CA5A: variants seen among roughly 807,000 people sequenced by gnomAD.
CA5A encodes the protein carbonic anhydrase 5A, mitochondrial.
In CA5A, 28 loss-of-function variants were observed where a neutral mutation model predicts 37.1. That is an observed-to-expected ratio of 0.75 (90% CI 0.56 to 1.03). The LOEUF (loss-of-function observed/expected upper bound fraction) is 1.03, where lower values mean the gene tolerates loss of function less well. CA5A is among the 50% of genes least tolerant of loss of function. The pLI is 0.00. For synonymous variants in CA5A, 171 were observed against 158.4 expected, an observed-to-expected ratio of 1.08 and a Z score of -0.60; for missense variants, 444 against 399.9, an observed-to-expected ratio of 1.11 and a Z score of -0.94.
chr16:87,934,437 G>A (rs1241794830), intron 1 of CA5A, among the ~76,000 whole-genome samples: 4 of 152,196 alleles, frequency 2.6e-5, no homozygotes, highest in Non-Finnish European at 4.4e-5. Context: ...ATGTGGTGGC[G>A]CATGCCTGTA....
chr16:87,907,362 C>T lies in CA5A; in HGVS notation c.341-2458G>A, dbSNP rs1270225412. On this transcript the variant is annotated intron_variant, in intron 2 of 6. Transcript: ENST00000649794. ...TCTGTGGGGGAAAGGGGGTTTGCAGCCGACCAGCCCCAGCAGCATCAAAGT... is the reference window on the plus strand; with the variant it reads ...TCTGTGGGGGAAAGGGGGTTTGCAGTCGACCAGCCCCAGCAGCATCAAAGT... 3.9e-5 allele frequency among the ~76,000 whole-genome samples: 6 copies of T among 152,188 alleles called. No homozygotes were observed. In the South Asian group the frequency reaches 1.2e-3, roughly 32 times the overall value.
chr16:87,934,991 G>A (rs1056606569), intron 1 of CA5A, among the ~76,000 whole-genome samples: 1 of 152,170 alleles, frequency 6.6e-6, no homozygotes, highest in African/African-American at 2.4e-5. Context: ...TCTGGGGTGG[G>A]CCAGGCTTTC....
At chr16:87,926,709 G>T in intron 2 of CA5A, 39 bp downstream of exon 2, 1 of 1,527,364 alleles carries the variant, frequency 6.5e-7, no homozygotes, top group Non-Finnish European at 9.0e-7. Flanking sequence ...CCAGAACAAC[G>T]GGAGAGGACA....
Position 87,891,812 on chromosome 16 carries a change from A to T in CA5A, c.761T>A (p.Val254Glu), listed in dbSNP as rs780569809. 6.5e-7 allele frequency: 1 copy of T among 1,533,320 alleles called. No homozygotes were observed. Among genetic ancestry groups the T allele is most frequent in the Admixed American group, 2.2e-5 (1 of 44,878 alleles). The allele number at this position is 1,533,320 out of a possible 1,614,324, so 95.0% of individuals were successfully genotyped here. The change falls in exon 6 of 7, where the codon GTG (valine) becomes GAG (glutamate). Residue 254 changes from valine (V) to glutamate (E), a missense_variant. Physicochemically the swap from Val to Glu is moderately radical, Grantham distance 121 (BLOSUM62 -2). Coordinates refer to ENST00000649794, the MANE Select transcript of CA5A (RefSeq NM_001739.2). Reference protein sequence around the residue: ...TWIIQKEPVEVAPSQLSAFRT... With the variant: ...TWIIQKEPVEEAPSQLSAFRT... ...GGCACGGCTCACCTGGCTTGGGGCC[A>T]CTTCAACGGGCTCCTTCTGGATGAT... is the stretch of plus-strand genomic sequence containing the variant.
At chr16:87,928,630 G>A (rs969485384) in intron 1 of CA5A, among the ~76,000 whole-genome samples, 2 of 151,736 alleles carry the variant, frequency 1.3e-5, no homozygotes, top group African/African-American at 4.8e-5. Flanking sequence ...GTACAGTTAC[G>A]ACACAATTTT....
intron 6 of CA5A, among the ~76,000 whole-genome samples, chr16:87,889,766 C>T (rs1240431113): frequency 1.3e-5 from 2 of 151,278 alleles, no homozygotes; most frequent in Non-Finnish European, 2.9e-5. Flanking sequence ...AGGGAAACTC[C>T]ATCTCAAAAA....
At chr16:87,892,555 T>TAATAAA (rs910885887) in intron 5 of CA5A, among the ~76,000 whole-genome samples, 3 of 129,816 alleles carry the variant, frequency 2.3e-5, no homozygotes, top group South Asian at 2.6e-4. Context: ...ATAATAATAA[T>TAATAAA]AAATTAATTA....
intron 5 of CA5A, among the ~76,000 whole-genome samples, chr16:87,900,739 C>A (rs957971948): frequency 6.6e-6 from 1 of 152,218 alleles, no homozygotes; most frequent in African/African-American, 2.4e-5. Context: ...GGTTTCTCTC[C>A]GCCCTTGGGC....
intron 2 of CA5A, among the ~76,000 whole-genome samples, chr16:87,909,479 C>T (rs1301471280): frequency 2.6e-4 from 40 of 152,184 alleles, no homozygotes; most frequent in Admixed American, 2.6e-3. Flanking sequence ...TGGGCCGCTG[C>T]GTTTTCGGGA....
chr16:87,931,631 C>T (rs953384527), intron 1 of CA5A, among the ~76,000 whole-genome samples: 3 of 152,218 alleles, frequency 2.0e-5, no homozygotes, highest in Non-Finnish European at 2.9e-5. Context: ...TGGGGAAGGC[C>T]TGGAGTGCCT....
Position 87,888,158 on chromosome 16 carries a change from G to A in CA5A, c.889C>T (p.Gln297Ter). The part of the protein sequence containing the change: ...LMNRKVWASF[Q>*]ATNEGTRS ...GACCTTGTGCCCTCATTAGTGGCCT[G>A]GAAGGACGCCCAGACCTTCCGGTTC... The change falls in exon 7 of 7, where the codon CAG (glutamine) becomes TAG (stop). Residue 297 changes from glutamine to a stop codon, truncating the protein, a stop_gained. Coordinates refer to ENST00000649794, the MANE Select transcript of CA5A (RefSeq NM_001739.2). LOFTEE classifies it low-confidence loss of function (END_TRUNC). 5 of 1,613,824 alleles carry A rather than the reference G, an allele frequency of 3.1e-6. No individual in the cohort carries two copies. Among genetic ancestry groups the A allele is most frequent in the Non-Finnish European group, 4.2e-6 (5 of 1,179,766 alleles).
intron 2 of CA5A, among the ~76,000 whole-genome samples, chr16:87,906,065 T>A (rs1380639912): frequency 1.3e-5 from 2 of 152,200 alleles, no homozygotes; most frequent in African/African-American, 4.8e-5. Context: ...ACTAACAGAT[T>A]TCCATCAGCA....
chr16:87,928,065 A>C (rs11861204), intron 1 of CA5A, among the ~76,000 whole-genome samples: 10,078 of 152,072 alleles, frequency 0.066, 1,082 homozygotes, highest in African/African-American at 0.22. Flanking sequence ...TTCCAAATAC[A>C]GAGTCCCCTT....
At chr16:87,934,377 T>C (rs2056444291) in intron 1 of CA5A, among the ~76,000 whole-genome samples, 1 of 152,132 alleles carries the variant, frequency 6.6e-6, no homozygotes, top group South Asian at 2.1e-4. Context: ...AAGACCACCC[T>C]GAGCAACATG....
At chr16:87,884,715 CA>C (rs1358428563), downstream of CA5A, 1 of 151,824 alleles carries the variant, frequency 6.6e-6, no homozygotes, top group Non-Finnish European at 1.5e-5. Context: ...GCCTGGGCAA[CA>C]GAGCTACACT....
chr16:87,918,459 T>C (rs2056185707), intron 2 of CA5A, among the ~76,000 whole-genome samples: 1 of 138,774 alleles, frequency 7.2e-6, no homozygotes, highest in South Asian at 2.6e-4. Flanking sequence ...GAAAGAGCCC[T>C]TGCCGCCACC....
At chr16:87,902,351 TC>T (rs2055890625) in intron 4 of CA5A, 73 bp downstream of exon 4, 1 of 793,000 alleles carries the variant, frequency 1.3e-6, no homozygotes, top group Non-Finnish European at 2.1e-6. Flanking sequence ...GAGTCCTGTC[TC>T]AAAAAAAAAA....
At chr16:87,917,931 T>C (rs1233220421) in intron 2 of CA5A, among the ~76,000 whole-genome samples, 1 of 152,224 alleles carries the variant, frequency 6.6e-6, no homozygotes, top group East Asian at 1.9e-4. Context: ...AGCGTGATGC[T>C]CACATCGTTT....
intron 1 of CA5A, among the ~76,000 whole-genome samples, chr16:87,927,766 C>T (rs1231383628): frequency 6.7e-6 from 1 of 149,752 alleles, no homozygotes; most frequent in Non-Finnish European, 1.5e-5. Context: ...GAGGCTGAGG[C>T]AGGAGAATGG....
Sources: gnomAD v4.1 joint callset for allele counts (sites outside exome capture counted in the v4.1 genomes callset) on GRCh38, gnomAD v4.1.1 for gene constraint, MANE v1.5 for transcripts, NCBI Gene and HGNC (gene_info 2026-07-23, HGNC 2026-07-21) for gene names.